Variants in SLC2A13 observed in about 807,000 individuals in gnomAD.
The protein encoded by SLC2A13 is solute carrier family 2 member 13.
SLC2A13 carries 32 observed loss-of-function variants against 64.4 expected under a neutral mutation model. The ratio of observed to expected loss-of-function variants is 0.50; its 90% CI spans 0.37 to 0.67. The LOEUF is 0.67. SLC2A13 is among the 30% of genes least tolerant of loss of function. The pLI is 0.00. For missense variants in SLC2A13, 743 were observed against 829.2 expected, an observed-to-expected ratio of 0.90 and a Z score of 1.28; for synonymous variants, 338 against 327.1, an observed-to-expected ratio of 1.03 and a Z score of -0.36.
At chr12:39,964,421 T>A (rs1946469675) in intron 3 of SLC2A13, among the ~76,000 whole-genome samples, 1 of 152,242 alleles carries the variant, frequency 6.6e-6, no homozygotes, top group South Asian at 2.1e-4. Flanking sequence ...ATTCAAAGTA[T>A]GGACTTTCCA....
chr12:40,070,070 T>C (rs1335361665), intron 1 of SLC2A13, among the ~76,000 whole-genome samples: 2 of 151,872 alleles, frequency 1.3e-5, no homozygotes, highest in Non-Finnish European at 2.9e-5. Context: ...AAACGGAATA[T>C]GATATAACCT....
chr12:39,911,234 G>A (rs1389611725), intron 4 of SLC2A13, among the ~76,000 whole-genome samples: 1 of 152,020 alleles, frequency 6.6e-6, no homozygotes, highest in Non-Finnish European at 1.5e-5. Context: ...GCAAGAACAC[G>A]ACTATATTTA....
chr12:40,012,463 T>A (rs1169801261), intron 3 of SLC2A13, among the ~76,000 whole-genome samples: 1 of 152,232 alleles, frequency 6.6e-6, no homozygotes, highest in East Asian at 1.9e-4. Flanking sequence ...AAACTGGAAG[T>A]GTTTCCAGAA....
intron 3 of SLC2A13, among the ~76,000 whole-genome samples, chr12:39,986,695 C>T (rs7302067): frequency 0.017 from 2,349 of 141,150 alleles, 60 homozygotes; most frequent in African/African-American, 0.061. Flanking sequence ...TGTATCTTAG[C>T]AGACAAAAAA....
rs142465316 is a variant in SLC2A13 at position 39,815,442 on chromosome 12, T to C, written c.1445+14661A>G. On this transcript the variant is annotated intron_variant, in intron 7 of 9. Coordinates refer to ENST00000280871, the MANE Select transcript of SLC2A13 (RefSeq NM_052885.4). ...AACAGGTTCTTTGTCAAAACAGCTA[T>C]AGGACTCGTAGGCTGGAGCATTCTT... 2.9e-3 allele frequency among the ~76,000 whole-genome samples: 446 copies of C among 152,284 alleles called. 2 individuals carry two copies. Among genetic ancestry groups the C allele is most frequent in the African/African-American group, 0.01 (418 of 41,554 alleles).
intron 4 of SLC2A13, among the ~76,000 whole-genome samples, chr12:39,879,576 G>A (rs967373758): frequency 6.6e-6 from 1 of 152,178 alleles, no homozygotes; most frequent in African/African-American, 2.4e-5. Context: ...AAACTTGCAT[G>A]GGGCCTGTAC....
chr12:39,874,075 C>T (rs138447766), intron 4 of SLC2A13, among the ~76,000 whole-genome samples: 137 of 152,242 alleles, frequency 9.0e-4, no homozygotes, highest in African/African-American at 3.1e-3. Context: ...TTTAATATCA[C>T]GACACATAAA....
rs2136130398 is a variant in SLC2A13, at chr12:39,971,603, A to G, written c.926-20238T>C. On this transcript the variant is annotated intron_variant, in intron 3 of 9. Transcript: ENST00000280871. ...ATTCATAGTGCAGTTGCTTCCTCCC[A>G]TTACCTTCTGACACACTCTATAACA... is the stretch of plus-strand genomic sequence containing the variant. Among the ~76,000 whole-genome samples, 3 of 152,130 alleles carry G rather than the reference A, an allele frequency of 2.0e-5. No homozygotes were observed. The South Asian group carries it at 6.2e-4, about 32-fold the overall frequency.
chr12:40,051,473 G>C (rs1466363452), intron 1 of SLC2A13, among the ~76,000 whole-genome samples: 1 of 152,148 alleles, frequency 6.6e-6, no homozygotes, highest in African/African-American at 2.4e-5. Flanking sequence ...CTGTAGGAGA[G>C]AGACATGAGC....
chr12:39,910,316 A>T (rs914528849), intron 4 of SLC2A13, among the ~76,000 whole-genome samples: 7 of 152,152 alleles, frequency 4.6e-5, no homozygotes, highest in African/African-American at 1.4e-4. Context: ...TTTCTTCTAT[A>T]CTTACAGATG....
At chr12:39,978,465 C>T (rs1013577143) in intron 3 of SLC2A13, among the ~76,000 whole-genome samples, 9 of 150,824 alleles carry the variant, frequency 6.0e-5, no homozygotes, top group South Asian at 4.1e-4. Context: ...AGTGGGTGCG[C>T]GCACCGTGCG....
At chr12:39,794,076 C>G (rs1334070642) in intron 7 of SLC2A13, among the ~76,000 whole-genome samples, 3 of 133,788 alleles carry the variant, frequency 2.2e-5, no homozygotes, top group Admixed American at 8.7e-5. Context: ...CTCTTTTGAG[C>G]TAGCAATTCC....
intron 4 of SLC2A13, among the ~76,000 whole-genome samples, chr12:39,899,994 G>C (rs1945041040): frequency 6.6e-6 from 1 of 150,718 alleles, no homozygotes; most frequent in African/African-American, 2.4e-5. Flanking sequence ...TATCCACCAT[G>C]ATCAAGTGGG....
chr12:40,012,736 C>G lies in SLC2A13; in HGVS notation c.925+15565G>C, dbSNP rs762202950. The stretch of plus-strand genomic sequence containing the variant: ...GTCACAGATAACACTGCTTCCAAAA[C>G]ACAAGTAGTGGGTTATTATATTGGT... On this transcript the variant is annotated intron_variant, in intron 3 of 9. Transcript: ENST00000280871. 4.4e-4 allele frequency among the ~76,000 whole-genome samples: 67 copies of G among 152,154 alleles called. 1 individual carries two copies. The highest frequency in any genetic ancestry group is 9.0e-4 in the Non-Finnish European group (61 of 68,038).
chr12:40,100,327 T>C (rs10784369), intron 1 of SLC2A13, among the ~76,000 whole-genome samples: 62,064 of 151,932 alleles, frequency 0.41, 12,947 homozygotes, highest in African/African-American at 0.45. Context: ...AATTTAGAGA[T>C]TTCTTGATAT....
chr12:39,988,416 G>C (rs1947066496), intron 3 of SLC2A13, among the ~76,000 whole-genome samples: 1 of 151,364 alleles, frequency 6.6e-6, no homozygotes, highest in African/African-American at 2.4e-5. Flanking sequence ...CTATTAGTCA[G>C]ATATGTTACT....
intron 7 of SLC2A13, among the ~76,000 whole-genome samples, chr12:39,785,764 A>G (rs977598399): frequency 2.6e-5 from 4 of 152,200 alleles, no homozygotes; most frequent in African/African-American, 9.7e-5. Flanking sequence ...CACCTCTTGC[A>G]TCAGCATGAC....
At chr12:40,083,833 T>A (rs1172211714) in intron 1 of SLC2A13, among the ~76,000 whole-genome samples, 2 of 152,212 alleles carry the variant, frequency 1.3e-5, no homozygotes, top group Non-Finnish European at 2.9e-5. Flanking sequence ...AATTTTGACT[T>A]CCCTACCCAA....
At chr12:40,023,035 G>A (rs1025861638) in intron 3 of SLC2A13, among the ~76,000 whole-genome samples, 9 of 152,144 alleles carry the variant, frequency 5.9e-5, no homozygotes, top group Non-Finnish European at 1.0e-4. Context: ...TCCCTTGCCT[G>A]CCTTCCTTTA....
Sources: allele counts gnomAD v4.1 joint callset (sites outside exome capture counted in the v4.1 genomes callset), GRCh38; gene constraint gnomAD v4.1.1; transcripts MANE v1.5; gene names NCBI Gene and HGNC (gene_info 2026-07-23, HGNC 2026-07-21).